The following ZIM2 variants were observed in gnomAD, a reference collection of about 807,000 sequenced individuals.
The protein encoded by ZIM2 is zinc finger protein 656.
In ZIM2, 14 loss-of-function variants were observed where a neutral mutation model predicts 38.6. The ratio of observed to expected loss-of-function variants is 0.36; its 90% CI spans 0.24 to 0.57. The LOEUF (loss-of-function observed/expected upper bound fraction) is 0.57, where lower values mean the gene tolerates loss of function less well. ZIM2 is among the 20% of genes least tolerant of loss of function. The pLI is 0.81. For synonymous variants in ZIM2, 247 were observed against 245.8 expected (o/e 1.00, Z -0.04); for missense variants, 680 against 695.1 (o/e 0.98, Z 0.24).
At chr19:56,833,085 A>C in intron 2 of ZIM2, 1 of 488,792 alleles carries the variant, frequency 2.0e-6, no homozygotes, top group Non-Finnish European at 4.1e-6. Flanking sequence ...GGAAGAACTT[A>C]ATGAAAGAAC....
Position 56,775,222 on chromosome 19 carries a change from A to G in ZIM2, c.1143T>C (p.His381=), listed in dbSNP as rs1354596907. The G allele has an allele frequency of 1.2e-6, 2 of 1,614,038 alleles. No homozygotes were observed. The highest frequency in any genetic ancestry group is 8.5e-7 in the Non-Finnish European group (1 of 1,180,052). The part of the protein sequence containing the change: ...QVALRRHERI[H]TGKKPYECKQ... ...TACATTCATAGGGTTTCTTCCCAGTATGGATCCGTTCGTGTCTCCTAAGGG... is the reference window on the plus strand; with the variant it reads ...TACATTCATAGGGTTTCTTCCCAGTGTGGATCCGTTCGTGTCTCCTAAGGG... Residue 381 remains histidine, a synonymous_variant, in exon 13 of 13, where the codon CAT becomes CAC. Transcript: ENST00000629319.
At chr19:56,816,923 A>G in intron 9 of ZIM2, 1 of 1,614,188 alleles carries the variant, frequency 6.2e-7, no homozygotes. Context: ...CAGTCCTTAC[A>G]TTCAAAACGT....
chr19:56,824,389 C>A lies in ZIM2; in HGVS notation c.-112G>T. The A allele has an allele frequency of 1.2e-6, 2 of 1,614,122 alleles. No individual in the cohort carries two copies. The highest frequency in any genetic ancestry group is 1.7e-6 in the Non-Finnish European group (2 of 1,180,034). On this transcript the variant is annotated 5_prime_UTR_variant, in exon 4 of 13. Transcript: ENST00000629319. ...TGATGGTCAGGTACTGCTCAAGGAC[C>A]AAGAGCTCGATGATCTCCTCCTTGG...
At chr19:56,832,918 CTTCTA>C (rs2061711292) in intron 2 of ZIM2, among the ~76,000 whole-genome samples, 1 of 152,228 alleles carries the variant, frequency 6.6e-6, no homozygotes, top group Non-Finnish European at 1.5e-5. Context: ...TGACACTTTA[CTTCTA>C]TTCCATTAAA....
At chr19:56,810,818 T>C (rs1356491898) in intron 9 of ZIM2, 9 of 971,734 alleles carry the variant, frequency 9.3e-6, no homozygotes, top group Non-Finnish European at 9.8e-6. Flanking sequence ...GTTGGGAATA[T>C]AGGTAATTTT....
chr19:56,775,657 GA>G (rs969761974), intron 12 of ZIM2, 128 bp from the exon 13 acceptor site: 22,223 of 1,013,516 alleles, frequency 0.022, no homozygotes, highest in South Asian at 0.04. Flanking sequence ...TTCCTAATCT[GA>G]AAAAAAAAAA....
At chr19:56,801,852 C>G (rs1384143544) in intron 9 of ZIM2, among the ~76,000 whole-genome samples, 1 of 152,184 alleles carries the variant, frequency 6.6e-6, no homozygotes, top group Non-Finnish European at 1.5e-5. Context: ...GGATGAAGAA[C>G]ATAAAGAAGA....
chr19:56,814,383 A>C lies in ZIM2; in HGVS notation c.490+3363T>G. On this transcript the variant is annotated intron_variant, in intron 9 of 12. Transcript: ENST00000629319. This position sits in a 1 kb window ranked among gnomAD's most constrained non-coding sequence, Gnocchi z 5.8. Reference sequence around the variant, plus strand: ...CATCTTCTTCTTCTTCTTCCAGATGAAGCTCCTTATGTTTAGTGAGGACTG... The same window carrying C: ...CATCTTCTTCTTCTTCTTCCAGATGCAGCTCCTTATGTTTAGTGAGGACTG... The C allele has an allele frequency of 6.2e-7, 1 of 1,613,988 alleles. No individual in the cohort carries two copies. The highest frequency in any genetic ancestry group is 8.5e-7 in the Non-Finnish European group (1 of 1,179,910).
rs147769390 is a variant in ZIM2, at chr19:56,777,799, C to T, written c.835+1578G>A. 7.0e-3 allele frequency among the ~76,000 whole-genome samples: 1,062 copies of T among 152,292 alleles called. 11 individuals carry two copies. Among genetic ancestry groups the T allele is most frequent in the African/African-American group, 0.024 (988 of 41,546 alleles). On this transcript the variant is annotated intron_variant, in intron 12 of 12. Transcript: ENST00000629319. ...ACTACTTCATGCCCCTGCTCAAAAC[C>T]TCCCCCCATCTTTGCATCTCACTTA...
chr19:56,788,109 G>T (rs1339699857), intron 10 of ZIM2, among the ~76,000 whole-genome samples: 1 of 150,506 alleles, frequency 6.6e-6, no homozygotes, highest in Non-Finnish European at 1.5e-5. Context: ...ATCTCCTTCA[G>T]TTCTGCTCTG....
At chr19:56,810,329 C>T (rs1006214295) in intron 9 of ZIM2, 1 of 984,882 alleles carries the variant, frequency 1.0e-6, no homozygotes, top group Non-Finnish European at 1.2e-6. Flanking sequence ...TACCAAAACA[C>T]TAGAATGATG....
intron 10 of ZIM2, 116 bp from the exon 11 acceptor site, chr19:56,782,237 G>T: frequency 7.3e-7 from 1 of 1,371,936 alleles, no homozygotes; most frequent in Admixed American, 2.3e-5. Context: ...ACCTGGCATT[G>T]CATCTTTCTT....
At position 56,817,976 on chromosome 19, in the gene ZIM2, T is replaced by C. The variant is rs570696278; in HGVS notation, c.398-138A>G. On this transcript the variant is annotated intron_variant, in intron 8 of 12. Coordinates refer to ENST00000629319, the MANE Select transcript of ZIM2 (RefSeq NM_001387356.1). ...GATTCCTTGGATGTCAGAAGACATT[T>C]GCTGTCTCATTTCCCTACTATCTAT... 4 of 659,314 alleles carry C rather than the reference T, an allele frequency of 6.1e-6. No homozygotes were observed. In the African/African-American group the frequency reaches 7.2e-5, roughly 12 times the overall value. The allele number at this position is 659,314 out of a possible 1,614,324, so 40.8% of individuals were successfully genotyped here.
chr19:56,816,721 T>C, intron 9 of ZIM2: 4 of 1,614,196 alleles, frequency 2.5e-6, no homozygotes, highest in Non-Finnish European at 3.4e-6. Flanking sequence ...GGCAGAACTA[T>C]GAAGGAAGGT....
At chr19:56,782,300 C>T (rs2046367465) in intron 10 of ZIM2, 179 bp from the exon 11 acceptor site, 1 of 795,048 alleles carries the variant, frequency 1.3e-6, no homozygotes. Flanking sequence ...GTTCCTATTG[C>T]TAATTACTAC....
chr19:56,782,101 T>C lies in ZIM2; in HGVS notation c.591A>G (p.Leu197=). ...AGSQFPDFKH[L]GTFLVFEELV... ...ACTCCTCAAACACCAGAAATGTTCC[T>C]AAGTGTTTGAAGTCCGGGAACTATC... Residue 197 remains leucine, a synonymous_variant, in exon 11 of 13, where the codon TTA becomes TTG. Transcript: ENST00000629319. 1.3e-5 allele frequency: 21 copies of C among 1,613,832 alleles called. No individual in the cohort carries two copies. The highest frequency in any genetic ancestry group is 1.8e-5 in the Non-Finnish European group (21 of 1,179,808).
intron 12 of ZIM2, among the ~76,000 whole-genome samples, chr19:56,778,883 G>C (rs958999934): frequency 2.6e-5 from 4 of 152,166 alleles, no homozygotes; most frequent in Non-Finnish European, 5.9e-5. Flanking sequence ...AAGGACGCTA[G>C]TGGGAACCTT....
chr19:56,828,873 A>G (rs2061310466), intron 2 of ZIM2, among the ~76,000 whole-genome samples: 1 of 152,168 alleles, frequency 6.6e-6, no homozygotes, highest in Non-Finnish European at 1.5e-5. Context: ...TAAAAGATGA[A>G]AATTGATGCT....
chr19:56,776,815 C>T (rs1222343244), intron 12 of ZIM2, among the ~76,000 whole-genome samples: 9 of 151,938 alleles, frequency 5.9e-5, no homozygotes, highest in African/African-American at 1.9e-4. Context: ...CAGCATTTGG[C>T]GTCAGTAAAC....
Sources: gnomAD v4.1 joint callset for allele counts (sites outside exome capture counted in the v4.1 genomes callset) on GRCh38, gnomAD v4.1.1 for gene constraint, Gnocchi (gnomAD v3.1) non-coding constraint, MANE v1.5 for transcripts, NCBI Gene and HGNC (gene_info 2026-07-23, HGNC 2026-07-21) for gene names.